Variants in SLC9A9 observed in about 807,000 individuals in gnomAD.
The protein encoded by SLC9A9 is solute carrier family 9 member A9.
Under a neutral mutation model 77.8 loss-of-function variants are expected in SLC9A9, and 62 were observed. That is an observed-to-expected ratio of 0.80 (90% confidence interval 0.65 to 0.98). The LOEUF (loss-of-function observed/expected upper bound fraction) is 0.98. Ranked by LOEUF, SLC9A9 falls within the 50% of genes least tolerant of loss-of-function variation. The pLI is 0.00. For synonymous variants in SLC9A9, 320 were observed against 283.5 expected, an observed-to-expected ratio of 1.13 and a Z score of -1.29; for missense variants, 775 against 774.9, an observed-to-expected ratio of 1.00 and a Z score of 0.00.
rs544334988 is a variant in SLC9A9 at position 143,349,703 on chromosome 3, T to TG, written c.1604+13780dup. On this transcript the variant is annotated intron_variant, in intron 14 of 15. Coordinates refer to ENST00000316549, the MANE Select transcript of SLC9A9 (RefSeq NM_173653.4). ...CTGTGCTGTTCCAGGCGATTGAGTC[T>TG]GAACTTGATTGGTAGGATGTGGTAT... is the stretch of plus-strand genomic sequence containing the variant. 5.8e-4 allele frequency among the ~76,000 whole-genome samples: 88 copies of TG among 152,362 alleles called. 1 individual carries two copies. The highest frequency in any genetic ancestry group is 3.5e-3 in the Admixed American group (54 of 15,302).
intron 13 of SLC9A9, among the ~76,000 whole-genome samples, chr3:143,367,506 T>C (rs2032943971): frequency 6.6e-6 from 1 of 152,218 alleles, no homozygotes; most frequent in South Asian, 2.1e-4. Context: ...AACTTGGTTA[T>C]GAAAGGCCAT....
At chr3:143,327,834 T>C (rs1199033117) in intron 14 of SLC9A9, among the ~76,000 whole-genome samples, 1 of 152,234 alleles carries the variant, frequency 6.6e-6, no homozygotes, top group Non-Finnish European at 1.5e-5. Flanking sequence ...AAAAAAATCA[T>C]GAGATCATTT....
intron 2 of SLC9A9, among the ~76,000 whole-genome samples, chr3:143,799,820 A>C (rs1383472221): frequency 2.0e-5 from 3 of 152,118 alleles, no homozygotes; most frequent in Non-Finnish European, 4.4e-5. Context: ...GCTTCAGGTA[A>C]CTCTCACAGT....
intron 4 of SLC9A9, among the ~76,000 whole-genome samples, chr3:143,736,049 G>A (rs1182354251): frequency 1.3e-5 from 2 of 152,156 alleles, no homozygotes; most frequent in Non-Finnish European, 2.9e-5. Context: ...AACGGAAAAT[G>A]CTTTTATAGA....
chr3:143,319,919 C>G (rs1462223020), intron 14 of SLC9A9, among the ~76,000 whole-genome samples: 1 of 152,226 alleles, frequency 6.6e-6, no homozygotes, highest in Non-Finnish European at 1.5e-5. Context: ...ACAGGGATGA[C>G]AGTCTTCAGC....
At chr3:143,618,993 A>C (rs2038153213) in intron 6 of SLC9A9, among the ~76,000 whole-genome samples, 1 of 152,188 alleles carries the variant, frequency 6.6e-6, no homozygotes, top group Admixed American at 6.5e-5. Context: ...TAGCTTCCAC[A>C]ATCAAGCTCA....
At position 143,454,158 on chromosome 3, in the gene SLC9A9, T is replaced by C. The variant is rs2035051571; in HGVS notation, c.1469+12879A>G. Among the ~76,000 whole-genome samples, 2 of 152,182 alleles carry C rather than the reference T, an allele frequency of 1.3e-5. 1 individual carries two copies. Among genetic ancestry groups the C allele is most frequent in the South Asian group, 4.1e-4 (2 of 4,828 alleles). Reference sequence around the variant, plus strand: ...TTTTCCAGTCTTAGGTATTCTGTTATAGCAGCACAAAACAAACTAAGACAC... The same window carrying C: ...TTTTCCAGTCTTAGGTATTCTGTTACAGCAGCACAAAACAAACTAAGACAC... On this transcript the variant is annotated intron_variant, in intron 12 of 15. Transcript: ENST00000316549.
chr3:143,394,708 G>A (rs545513277), intron 12 of SLC9A9, among the ~76,000 whole-genome samples: 64 of 152,238 alleles, frequency 4.2e-4, no homozygotes, highest in Non-Finnish European at 7.9e-4. Flanking sequence ...AAACCCCATC[G>A]TCTCAGCCCC....
At chr3:143,277,142 T>C (rs1039889689) in intron 14 of SLC9A9, among the ~76,000 whole-genome samples, 18 of 152,156 alleles carry the variant, frequency 1.2e-4, no homozygotes, top group Non-Finnish European at 2.5e-4. Flanking sequence ...GGTTCTAGGA[T>C]ACCAAAGCAA....
intron 11 of SLC9A9, among the ~76,000 whole-genome samples, chr3:143,470,296 T>G (rs752632965): frequency 6.6e-6 from 1 of 151,868 alleles, no homozygotes; most frequent in Non-Finnish European, 1.5e-5. Context: ...CTGGCCAACA[T>G]AGTAAAACCC....
At chr3:143,383,797 A>T (rs1012085801) in intron 12 of SLC9A9, among the ~76,000 whole-genome samples, 3 of 152,184 alleles carry the variant, frequency 2.0e-5, no homozygotes, top group Non-Finnish European at 4.4e-5. Flanking sequence ...TGTTCCTCAT[A>T]AACACCTCCC....
chr3:143,296,765 T>C (rs114453005), intron 14 of SLC9A9, among the ~76,000 whole-genome samples: 3,840 of 152,358 alleles, frequency 0.025, 67 homozygotes, highest in Non-Finnish European at 0.033. Flanking sequence ...GGTTTTGATA[T>C]GACTTTCCCT....
chr3:143,425,264 C>CTTTTTTTTTTTTTTTTTTTTTTTT (rs200568656), intron 12 of SLC9A9, among the ~76,000 whole-genome samples: 1 of 98,576 alleles, frequency 1.0e-5, no homozygotes, highest in Non-Finnish European at 2.0e-5. Flanking sequence ...TGAGGCTTAG[C>CTTTTTTTTTTTTTTTTTTTTTTTT]TTTTTTTTTT....
chr3:143,381,975 G>T (rs1226376870), intron 13 of SLC9A9, 85 bp downstream of exon 13: 1 of 1,487,000 alleles, frequency 6.7e-7, no homozygotes, highest in Non-Finnish European at 9.4e-7. Flanking sequence ...ATAGCTCCTT[G>T]GTCACATGCT....
At position 143,405,844 on chromosome 3, in the gene SLC9A9, T is replaced by G. The variant is rs114265364; in HGVS notation, c.1470-23730A>C. On this transcript the variant is annotated intron_variant, in intron 12 of 15. Transcript: ENST00000316549. ...ATATTCTGGCACAAATGTCACAAAC[T>G]TGACATTCTAACTAAAATTGAATAG... 7.9e-3 allele frequency among the ~76,000 whole-genome samples: 1,203 copies of G among 152,318 alleles called. 16 individuals carry two copies. Among genetic ancestry groups the G allele is most frequent in the African/African-American group, 0.027 (1,126 of 41,560 alleles).
intron 12 of SLC9A9, among the ~76,000 whole-genome samples, chr3:143,414,171 T>G (rs1030537452): frequency 1.3e-5 from 2 of 152,254 alleles, no homozygotes; most frequent in Non-Finnish European, 2.9e-5. Context: ...TGTATGTGTG[T>G]AGGTATACCT....
intron 8 of SLC9A9, among the ~76,000 whole-genome samples, chr3:143,573,621 A>C (rs1460781792): frequency 6.6e-6 from 1 of 151,968 alleles, no homozygotes; most frequent in Non-Finnish European, 1.5e-5. Flanking sequence ...TTGTTTTCCT[A>C]CCTGCCATGG....
chr3:143,425,264 CTTTT>C lies in SLC9A9; in HGVS notation c.1469+41769_1469+41772del, dbSNP rs200568656. 9.3e-4 allele frequency among the ~76,000 whole-genome samples: 92 copies of C among 98,534 alleles called. 1 individual carries two copies. Among genetic ancestry groups the C allele is most frequent in the African/African-American group, 2.7e-3 (67 of 24,592 alleles). 64.6% of individuals were successfully genotyped at this position (98,534 alleles called of 152,430 possible). Reference sequence around the variant, plus strand: ...TGATGTGGGGACCAATGAGGCTTAGCTTTTTTTTTTTTTTTTTTTTTTTAAGTAT... The same window carrying C: ...TGATGTGGGGACCAATGAGGCTTAGCTTTTTTTTTTTTTTTTTTTAAGTAT... On this transcript the variant is annotated intron_variant, in intron 12 of 15. Transcript: ENST00000316549.
intron 2 of SLC9A9, among the ~76,000 whole-genome samples, chr3:143,813,615 G>A (rs534287011): frequency 3.9e-5 from 6 of 152,260 alleles, no homozygotes; most frequent in Admixed American, 2.6e-4. Flanking sequence ...CTCTGGGTGT[G>A]TAAGTCTTTC....
Sources: gnomAD v4.1 joint callset for allele counts (sites outside exome capture counted in the v4.1 genomes callset) on GRCh38, gnomAD v4.1.1 for gene constraint, MANE v1.5 for transcripts, NCBI Gene and HGNC (gene_info 2026-07-23, HGNC 2026-07-21) for gene names.